Variants in RBMS3 observed in about 807,000 individuals in gnomAD.
RBMS3 encodes the protein RNA-binding motif, single-stranded-interacting protein 3.
In RBMS3, 27 loss-of-function variants were observed where a neutral mutation model predicts 66.8. The ratio of observed to expected loss-of-function variants is 0.40; its 90% CI spans 0.30 to 0.56. RBMS3 has a LOEUF of 0.56. Ranked by LOEUF, RBMS3 falls within the 20% of genes least tolerant of loss-of-function variation. RBMS3 has a pLI of 0.40. For synonymous variants in RBMS3, 188 were observed against 183.0 expected, an observed-to-expected ratio of 1.03 and a Z score of -0.22; for missense variants, 513 against 549.5, an observed-to-expected ratio of 0.93 and a Z score of 0.66.
intron 14 of RBMS3, among the ~76,000 whole-genome samples, chr3:29,999,981 G>A (rs1427989626): frequency 6.6e-6 from 1 of 151,838 alleles, no homozygotes; most frequent in African/African-American, 2.4e-5. Context: ...ACATAGGCAT[G>A]GGCAAAGACT....
chr3:29,611,484 T>G (rs2048490470), intron 4 of RBMS3, among the ~76,000 whole-genome samples: 1 of 151,938 alleles, frequency 6.6e-6, no homozygotes, highest in Admixed American at 6.6e-5. Context: ...GCTAAATGAC[T>G]GGGTATTTGG....
intron 10 of RBMS3, 66 bp downstream of exon 10, chr3:29,899,821 A>G: frequency 2.7e-6 from 4 of 1,500,942 alleles, no homozygotes; most frequent in Non-Finnish European, 3.7e-6. Context: ...TGGAATGCAT[A>G]GAAGCTTTGG....
chr3:29,819,318 C>G (rs1374822264), intron 6 of RBMS3, among the ~76,000 whole-genome samples: 1 of 152,128 alleles, frequency 6.6e-6, no homozygotes, highest in East Asian at 1.9e-4. Flanking sequence ...CTACTCAACT[C>G]TTCTCTGGTG....
intron 12 of RBMS3, among the ~76,000 whole-genome samples, chr3:29,969,393 A>G (rs1577279357): frequency 6.6e-6 from 1 of 152,246 alleles, no homozygotes; most frequent in South Asian, 2.1e-4. Flanking sequence ...TGATTGATTC[A>G]TGTATATAAA....
rs911526124 is a variant in RBMS3, at chr3:29,884,157, T to C, written c.745-5T>C. 13 of 1,611,122 alleles carry C rather than the reference T, an allele frequency of 8.1e-6. No homozygotes were observed. Among genetic ancestry groups the C allele is most frequent in the Non-Finnish European group, 1.0e-5 (12 of 1,178,056 alleles). On this transcript the variant is annotated splice_polypyrimidine_tract_variant and splice_region_variant and intron_variant, in intron 7 of 14. Transcript: ENST00000383767. ...TGTTTTCTTCCCTCTTCATCCTATA[T>C]ACAGGCTGGCATGGCTTTGACCTAT...
At chr3:29,572,531 G>A (rs1424918054) in intron 3 of RBMS3, among the ~76,000 whole-genome samples, 1 of 152,062 alleles carries the variant, frequency 6.6e-6, no homozygotes, top group Non-Finnish European at 1.5e-5. Flanking sequence ...TGATCATATG[G>A]TTGTTGTCCT....
intron 12 of RBMS3, among the ~76,000 whole-genome samples, chr3:29,960,689 A>G (rs1696370062): frequency 6.6e-6 from 1 of 152,106 alleles, no homozygotes; most frequent in African/African-American, 2.4e-5. Flanking sequence ...TCAAACCTCA[A>G]TTCTTGACTT....
intron 3 of RBMS3, among the ~76,000 whole-genome samples, chr3:29,492,018 C>A (rs2043566694): frequency 6.6e-6 from 1 of 151,738 alleles, no homozygotes; most frequent in Non-Finnish European, 1.5e-5. Flanking sequence ...AATTGGACAC[C>A]ATTTAGACCG....
At chr3:29,937,517 T>G (rs575175077) in intron 11 of RBMS3, among the ~76,000 whole-genome samples, 7 of 152,118 alleles carry the variant, frequency 4.6e-5, no homozygotes, top group Non-Finnish European at 8.8e-5. Context: ...CAATATAATT[T>G]AATGGAAAGA....
At chr3:29,466,428 TA>T (rs1697291957) in intron 2 of RBMS3, among the ~76,000 whole-genome samples, 1 of 152,198 alleles carries the variant, frequency 6.6e-6, no homozygotes, top group African/African-American at 2.4e-5. Context: ...ATTGTTTATA[TA>T]TTTTTTTAGC....
At chr3:29,416,362 T>TCTC (rs3041534) in intron 1 of RBMS3, among the ~76,000 whole-genome samples, 65,691 of 151,700 alleles carry the variant, frequency 0.43, 14,458 homozygotes, top group African/African-American at 0.52. Flanking sequence ...TTTGTATTCT[T>TCTC]CTCAAAAATG....
Position 29,533,281 on chromosome 3 carries a change from C to T in RBMS3, c.307+44782C>T, listed in dbSNP as rs551933239. Reference sequence around the variant, plus strand: ...TCATTTGTCCCCAGGAGTTTGAGACCAGTGTGGGCAACATAAACAAGAACT... The same window carrying T: ...TCATTTGTCCCCAGGAGTTTGAGACTAGTGTGGGCAACATAAACAAGAACT... On this transcript the variant is annotated intron_variant, in intron 3 of 14. Coordinates refer to ENST00000383767, the MANE Select transcript of RBMS3 (RefSeq NM_001003793.3). 3.9e-5 allele frequency among the ~76,000 whole-genome samples: 6 copies of T among 151,904 alleles called. No individual in the cohort carries two copies. In the South Asian group the frequency reaches 6.2e-4, roughly 16 times the overall value.
At chr3:29,616,063 G>A (rs2048660257) in intron 4 of RBMS3, 2 of 152,224 alleles carry the variant, frequency 1.3e-5, no homozygotes, top group Non-Finnish European at 2.9e-5. Flanking sequence ...ACAGCTCAAG[G>A]AGGAAATGAG....
chr3:29,419,407 T>C (rs57067238), intron 1 of RBMS3, among the ~76,000 whole-genome samples: 26,773 of 152,128 alleles, frequency 0.18, 2,848 homozygotes, highest in Non-Finnish European at 0.25. Flanking sequence ...TAATTATCTG[T>C]TCTATTTTAC....
intron 1 of RBMS3, among the ~76,000 whole-genome samples, chr3:29,323,247 AT>A (rs1559487389): frequency 6.6e-6 from 1 of 151,428 alleles, no homozygotes; most frequent in Non-Finnish European, 1.5e-5. Flanking sequence ...TTTATATGTT[AT>A]TTTTTGAAGT....
At chr3:29,852,103 G>A (rs1023517667) in intron 6 of RBMS3, among the ~76,000 whole-genome samples, 1 of 152,132 alleles carries the variant, frequency 6.6e-6, no homozygotes, top group African/African-American at 2.4e-5. Context: ...AATAAATGAT[G>A]TTTTGATAAC....
chr3:29,647,113 G>T (rs934919718), intron 4 of RBMS3, among the ~76,000 whole-genome samples: 1 of 152,196 alleles, frequency 6.6e-6, no homozygotes, highest in Non-Finnish European at 1.5e-5. Flanking sequence ...AAGTAGCTGG[G>T]ACTACAGGCG....
intron 12 of RBMS3, among the ~76,000 whole-genome samples, chr3:29,973,126 C>T (rs1370744742): frequency 6.6e-6 from 1 of 151,944 alleles, no homozygotes; most frequent in South Asian, 2.1e-4. Context: ...GTTGGTTTGA[C>T]CTTAACAGAC....
chr3:29,736,626 G>A (rs753964091), intron 4 of RBMS3, among the ~76,000 whole-genome samples: 9 of 152,114 alleles, frequency 5.9e-5, no homozygotes, highest in Non-Finnish European at 1.3e-4. Flanking sequence ...CCCACTCATT[G>A]GTAGGCTCTG....
Sources: gnomAD v4.1 joint callset for allele counts (sites outside exome capture counted in the v4.1 genomes callset) on GRCh38, gnomAD v4.1.1 for gene constraint, MANE v1.5 for transcripts, NCBI Gene and HGNC (gene_info 2026-07-23, HGNC 2026-07-21) for gene names.